The following RABGAP1L variants were observed in gnomAD, a reference collection of about 807,000 sequenced individuals.
RABGAP1L encodes the protein RAB GTPase activating protein 1 like.
In RABGAP1L, 63 loss-of-function variants were observed where a neutral mutation model predicts 137.7. The observed-to-expected ratio is 0.46, with a 90% CI of 0.37 to 0.56. The LOEUF (loss-of-function observed/expected upper bound fraction) is 0.56. RABGAP1L is among the 20% of genes least tolerant of loss of function. The pLI is 0.00. For synonymous variants in RABGAP1L, 431 were observed against 433.7 expected (o/e 0.99, Z 0.08); for missense variants, 1,095 against 1,244.0 (o/e 0.88, Z 1.80).
At chr1:174,681,599 G>A (rs754271313) in intron 14 of RABGAP1L, among the ~76,000 whole-genome samples, 2 of 152,172 alleles carry the variant, frequency 1.3e-5, no homozygotes, top group Non-Finnish European at 2.9e-5. Flanking sequence ...GAACATTCTG[G>A]AGTGATGGAA....
At chr1:174,479,237 A>G (rs561584688) in intron 13 of RABGAP1L, among the ~76,000 whole-genome samples, 6 of 152,220 alleles carry the variant, frequency 3.9e-5, no homozygotes, top group Non-Finnish European at 8.8e-5. Flanking sequence ...ACCATACCTT[A>G]AGGAGAAAGT....
intron 13 of RABGAP1L, among the ~76,000 whole-genome samples, chr1:174,564,588 C>T (rs1667443718): frequency 6.6e-6 from 1 of 152,096 alleles, no homozygotes; most frequent in Non-Finnish European, 1.5e-5. Flanking sequence ...TTTTCAATGA[C>T]TCTTATTCTG....
intron 13 of RABGAP1L, among the ~76,000 whole-genome samples, chr1:174,609,591 A>G (rs1671036186): frequency 6.6e-6 from 1 of 152,178 alleles, no homozygotes; most frequent in Non-Finnish European, 1.5e-5. Flanking sequence ...CCAGAGGTAC[A>G]CTGAATGGGA....
rs555736448 is a variant in RABGAP1L, at chr1:174,315,288, A to G, written c.1465+10161A>G. Among the ~76,000 whole-genome samples the G allele has an allele frequency of 3.3e-5, 5 of 152,144 alleles. No homozygotes were observed. In the South Asian group the frequency reaches 6.2e-4, roughly 19 times the overall value. The stretch of plus-strand genomic sequence containing the variant: ...CTGTCTTGAAGTCTATTTTTCCACT[A>G]TAAGTATAGCTATTCCTGCTCTTTT... On this transcript the variant is annotated intron_variant, in intron 11 of 25. Coordinates refer to ENST00000681986, the MANE Select transcript of RABGAP1L (RefSeq NM_001366446.1).
intron 10 of RABGAP1L, among the ~76,000 whole-genome samples, chr1:174,302,775 T>G (rs1050876249): frequency 1.4e-4 from 21 of 152,188 alleles, no homozygotes; most frequent in African/African-American, 5.1e-4. Flanking sequence ...TCCAAATATC[T>G]TCTTTGCTTT....
chr1:174,334,197 G>A (rs1453510960), intron 11 of RABGAP1L, among the ~76,000 whole-genome samples: 5 of 152,174 alleles, frequency 3.3e-5, no homozygotes, highest in Admixed American at 2.0e-4. Context: ...ACGGATACCC[G>A]ATTCTCCCAC....
intron 19 of RABGAP1L, among the ~76,000 whole-genome samples, chr1:174,846,328 A>G (rs1351057257): frequency 2.0e-5 from 3 of 150,250 alleles, no homozygotes. Flanking sequence ...TAGGGTGTCA[A>G]TTTTGGATCT....
At chr1:174,295,972 T>C (rs905676442) in intron 10 of RABGAP1L, among the ~76,000 whole-genome samples, 1 of 152,138 alleles carries the variant, frequency 6.6e-6, no homozygotes, top group African/African-American at 2.4e-5. Context: ...ACCCAGAGCC[T>C]AAGTATTGAA....
intron 17 of RABGAP1L, among the ~76,000 whole-genome samples, chr1:174,745,634 A>G (rs984461776): frequency 1.3e-5 from 2 of 152,222 alleles, no homozygotes; most frequent in African/African-American, 4.8e-5. Flanking sequence ...AATGGTGGCA[A>G]TAATACATAT....
chr1:174,924,378 T>A (rs774223048), intron 19 of RABGAP1L, among the ~76,000 whole-genome samples: 1 of 96,844 alleles, frequency 1.0e-5, no homozygotes, highest in Admixed American at 1.3e-4. Context: ...AGAGCAAGAC[T>A]CTGTCTCAAA....
chr1:174,621,274 C>A (rs1461285959), intron 13 of RABGAP1L, among the ~76,000 whole-genome samples: 1 of 152,178 alleles, frequency 6.6e-6, no homozygotes, highest in African/African-American at 2.4e-5. Context: ...AATGGCCATA[C>A]TCCCCAAGGT....
At chr1:174,440,090 C>T (rs1014043027) in intron 13 of RABGAP1L, among the ~76,000 whole-genome samples, 5 of 151,948 alleles carry the variant, frequency 3.3e-5, no homozygotes, top group South Asian at 2.1e-4. Context: ...ATCCTGAGGC[C>T]GTAGGGAACA....
At chr1:174,708,039 A>G (rs1680180065) in intron 17 of RABGAP1L, among the ~76,000 whole-genome samples, 1 of 152,200 alleles carries the variant, frequency 6.6e-6, no homozygotes, top group African/African-American at 2.4e-5. Context: ...TAGAGTACCA[A>G]ATATGTTCAG....
At chr1:174,393,443 G>A (rs749754087) in intron 12 of RABGAP1L, among the ~76,000 whole-genome samples, 8 of 152,260 alleles carry the variant, frequency 5.3e-5, no homozygotes, top group Middle Eastern at 3.4e-3. Flanking sequence ...GGATGTGGCC[G>A]CCAGGTAAAA....
intron 19 of RABGAP1L, among the ~76,000 whole-genome samples, chr1:174,933,034 C>T (rs1315275487): frequency 6.6e-6 from 1 of 152,130 alleles, no homozygotes; most frequent in Non-Finnish European, 1.5e-5. Flanking sequence ...ATTGTTGCTT[C>T]TATATCTTCT....
intron 14 of RABGAP1L, among the ~76,000 whole-genome samples, chr1:174,639,477 A>T (rs1674347410): frequency 6.6e-6 from 1 of 152,158 alleles, no homozygotes; most frequent in African/African-American, 2.4e-5. Context: ...GGCTTTTGTA[A>T]AGAGGTTAGG....
At chr1:174,889,670 A>G (rs574341654) in intron 19 of RABGAP1L, among the ~76,000 whole-genome samples, 11 of 151,974 alleles carry the variant, frequency 7.2e-5, no homozygotes, top group South Asian at 2.1e-4. Flanking sequence ...GCTTCAAGCA[A>G]TCCTCCCACC....
intron 13 of RABGAP1L, among the ~76,000 whole-genome samples, chr1:174,457,448 A>G (rs1393285471): frequency 6.6e-6 from 1 of 151,030 alleles, no homozygotes; most frequent in East Asian, 1.9e-4. Flanking sequence ...GATTGCACAT[A>G]GGACATGTTC....
intron 19 of RABGAP1L, among the ~76,000 whole-genome samples, chr1:174,885,237 C>T (rs981491848): frequency 6.6e-6 from 1 of 152,042 alleles, no homozygotes; most frequent in Non-Finnish European, 1.5e-5. Flanking sequence ...TTAGTAGTAC[C>T]TGTAAGATTA....
Sources: allele counts gnomAD v4.1 joint callset (sites outside exome capture counted in the v4.1 genomes callset), GRCh38; gene constraint gnomAD v4.1.1; transcripts MANE v1.5; gene names NCBI Gene and HGNC (gene_info 2026-07-23, HGNC 2026-07-21).